Variants in LRRC4C observed in about 807,000 individuals in gnomAD.
The protein encoded by LRRC4C is leucine-rich repeat-containing protein 4C.
Under a neutral mutation model 33.6 loss-of-function variants are expected in LRRC4C, and 5 were observed. That is an observed-to-expected ratio of 0.15 (90% confidence interval 0.08 to 0.31). The LOEUF is 0.31. Among genes scored for constraint, LRRC4C ranks in the 10% least tolerant of loss-of-function variants. LRRC4C has a pLI of 1.00. For missense variants in LRRC4C, 560 were observed against 796.7 expected (o/e 0.70, Z 3.58); for synonymous variants, 329 against 302.0 (o/e 1.09, Z -0.93).
intron 4 of LRRC4C, among the ~76,000 whole-genome samples, chr11:40,267,742 C>A (rs1424056831): frequency 6.6e-6 from 1 of 152,118 alleles, no homozygotes; most frequent in Non-Finnish European, 1.5e-5. Flanking sequence ...TTGGTATGTT[C>A]AAGTCTGAAT....
chr11:41,265,620 A>G (rs1404674939), intron 1 of LRRC4C, among the ~76,000 whole-genome samples: 3 of 152,142 alleles, frequency 2.0e-5, no homozygotes, highest in Non-Finnish European at 4.4e-5. Context: ...AGAGATGGGG[A>G]AAAACCTAGT....
chr11:40,473,303 TA>T (rs1309564431), intron 3 of LRRC4C, among the ~76,000 whole-genome samples: 1 of 152,046 alleles, frequency 6.6e-6, no homozygotes, highest in Non-Finnish European at 1.5e-5. Context: ...TCAACATACA[TA>T]AATCGATAAA....
intron 3 of LRRC4C, among the ~76,000 whole-genome samples, chr11:40,612,017 AC>A (rs1961274756): frequency 1.3e-5 from 2 of 151,820 alleles, no homozygotes; most frequent in African/African-American, 2.4e-5. Context: ...CGACCATATG[AC>A]CCCAAAATCC....
intron 1 of LRRC4C, among the ~76,000 whole-genome samples, chr11:41,297,126 G>C (rs570826062): frequency 6.6e-6 from 1 of 152,232 alleles, no homozygotes; most frequent in East Asian, 1.9e-4. Flanking sequence ...TTCTTTCTCT[G>C]TCAATTGAGA....
intron 3 of LRRC4C, among the ~76,000 whole-genome samples, chr11:40,343,342 CATATAT>C (rs35866050): frequency 6.6e-6 from 1 of 150,518 alleles, no homozygotes; most frequent in Non-Finnish European, 1.5e-5. Context: ...CTAAAACTTA[CATATAT>C]ATATATATAC....
At chr11:40,973,556 A>G (rs1199804389) in intron 1 of LRRC4C, among the ~76,000 whole-genome samples, 3 of 152,170 alleles carry the variant, frequency 2.0e-5, no homozygotes, top group East Asian at 1.9e-4. Context: ...GAGAAAAGCC[A>G]CTGGAGCTGG....
chr11:41,143,047 C>T (rs1475012909), intron 1 of LRRC4C, among the ~76,000 whole-genome samples: 2 of 152,002 alleles, frequency 1.3e-5, no homozygotes, highest in East Asian at 1.9e-4. Flanking sequence ...CCTCTCCTAG[C>T]CTTTTTATTT....
At chr11:40,955,911 A>C (rs1159838665) in intron 1 of LRRC4C, among the ~76,000 whole-genome samples, 2 of 151,844 alleles carry the variant, frequency 1.3e-5, no homozygotes, top group Non-Finnish European at 2.9e-5. Context: ...TTGTTCAGTG[A>C]ATCAAGTTCC....
chr11:40,447,327 T>G (rs1019538358), intron 3 of LRRC4C, among the ~76,000 whole-genome samples: 2 of 152,120 alleles, frequency 1.3e-5, no homozygotes, highest in Admixed American at 6.6e-5. Flanking sequence ...GAAGCATCAC[T>G]TCACAGATGA....
intron 4 of LRRC4C, among the ~76,000 whole-genome samples, chr11:40,307,016 A>AT (rs1945072319): frequency 4.1e-5 from 1 of 24,626 alleles, no homozygotes; most frequent in African/African-American, 1.2e-4. Flanking sequence ...CTATCTATCT[A>AT]ATATCTATCT....
intron 4 of LRRC4C, among the ~76,000 whole-genome samples, chr11:40,300,671 C>T (rs1944731174): frequency 6.6e-6 from 1 of 152,228 alleles, no homozygotes; most frequent in African/African-American, 2.4e-5. Flanking sequence ...GCCTCACATA[C>T]ATTTTAAATC....
chr11:40,114,805 C>A lies in LRRC4C; in HGVS notation c.1488G>T (p.Gln496His), dbSNP rs766203247. ...TTNVTTSLTP[Q>H]STRSTEKTFT... ...AGGTTTTCTCTGTCGACCTTGTGCT[C>A]TGTGGTGTGAGAGAGGTGGTCACAT... Residue 496 changes from glutamine (Q) to histidine (H), a missense_variant, in exon 7 of 7, where the codon CAG becomes CAT. Coordinates refer to ENST00000528697, the MANE Select transcript of LRRC4C (RefSeq NM_001258419.2). The A allele has an allele frequency of 4.3e-6, 7 of 1,614,128 alleles. No individual in the cohort carries two copies. Among genetic ancestry groups the A allele is most frequent in the Non-Finnish European group, 5.9e-6 (7 of 1,180,018 alleles).
chr11:40,489,700 C>A (rs1394165865), intron 3 of LRRC4C, among the ~76,000 whole-genome samples: 1 of 152,094 alleles, frequency 6.6e-6, no homozygotes, highest in Non-Finnish European at 1.5e-5. Flanking sequence ...GCAACATGTG[C>A]TTTTTCTACC....
chr11:40,708,476 T>C (rs1341963220), intron 2 of LRRC4C, among the ~76,000 whole-genome samples: 2 of 152,184 alleles, frequency 1.3e-5, no homozygotes, highest in Non-Finnish European at 2.9e-5. Flanking sequence ...AGGTACCCAG[T>C]AGTCATTCAG....
intron 3 of LRRC4C, among the ~76,000 whole-genome samples, chr11:40,474,194 A>T (rs111944808): frequency 0.35 from 52,633 of 151,836 alleles, 9,754 homozygotes; most frequent in East Asian, 0.58. Context: ...TTACAAGGCT[A>T]TAATAACCAA....
chr11:41,343,209 C>T (rs1412437033), intron 1 of LRRC4C, among the ~76,000 whole-genome samples: 1 of 152,094 alleles, frequency 6.6e-6, no homozygotes, highest in African/African-American at 2.4e-5. Context: ...TTTTTGGGGA[C>T]CACAATTCAA....
At chr11:40,822,077 C>T (rs578067416) in intron 2 of LRRC4C, among the ~76,000 whole-genome samples, 2 of 151,628 alleles carry the variant, frequency 1.3e-5, no homozygotes, top group African/African-American at 2.4e-5. Flanking sequence ...ATTATGTTTA[C>T]CCTACTGTGC....
chr11:41,404,228 CT>C (rs762253922), intron 1 of LRRC4C, among the ~76,000 whole-genome samples: 112 of 152,102 alleles, frequency 7.4e-4, no homozygotes, highest in Non-Finnish European at 1.2e-3. Flanking sequence ...TCTGCCCTTT[CT>C]GCCAATATTC....
intron 2 of LRRC4C, among the ~76,000 whole-genome samples, chr11:40,752,879 T>C (rs2137003343): frequency 6.6e-6 from 1 of 152,208 alleles, no homozygotes; most frequent in Non-Finnish European, 1.5e-5. Context: ...TAAGTATCTG[T>C]CAATGGATAA....
Sources: allele counts gnomAD v4.1 joint callset (sites outside exome capture counted in the v4.1 genomes callset), GRCh38; gene constraint gnomAD v4.1.1; transcripts MANE v1.5; gene names NCBI Gene and HGNC (gene_info 2026-07-23, HGNC 2026-07-21).